The following SMG6 variants were observed in gnomAD, a reference collection of about 807,000 sequenced individuals.
The protein encoded by SMG6 is SMG6 nonsense mediated mRNA decay factor, also known as telomerase-binding protein EST1A.
SMG6 carries 66 observed loss-of-function variants against 142.2 expected under a neutral mutation model. The observed-to-expected ratio is 0.46, with a 90% CI of 0.38 to 0.57. SMG6 has a LOEUF of 0.57. Among genes scored for constraint, SMG6 ranks in the 20% least tolerant of loss-of-function variants. The pLI is 0.00. For synonymous variants in SMG6, 779 were observed against 702.4 expected (o/e 1.11, Z -1.72); for missense variants, 1,793 against 1,832.0 (o/e 0.98, Z 0.39).
intron 13 of SMG6, among the ~76,000 whole-genome samples, chr17:2,132,902 T>A (rs2070170116): frequency 1.3e-5 from 2 of 152,146 alleles, no homozygotes; most frequent in South Asian, 4.1e-4. Context: ...CCTGCCTCAC[T>A]CCCCAGGAAG....
At chr17:2,270,336 G>A (rs1323684141) in intron 8 of SMG6, among the ~76,000 whole-genome samples, 3 of 152,196 alleles carry the variant, frequency 2.0e-5, no homozygotes, top group African/African-American at 4.8e-5. Context: ...GAGTCCAGGT[G>A]TAGTGGTTTA....
In SMG6 at chr17:2,300,102, T is replaced by C. The variant is rs2075244691; in HGVS notation, c.651A>G (p.Gly217=). Residue 217 remains glycine (G), a synonymous_variant, in exon 2 of 19, where the codon GGA becomes GGG. Coordinates refer to ENST00000263073, the MANE Select transcript of SMG6 (RefSeq NM_017575.5). The part of the protein sequence containing the change: ...GRVGAAKGEK[G]KRMGKGEGVR... ...CCCCCTCCCCTTTTCCCATCCTCTT[T>C]CCTTTTTCTCCTTTTGCAGCCCCTA... The C allele has an allele frequency of 6.2e-7, 1 of 1,614,158 alleles. No individual in the cohort carries two copies.
intron 13 of SMG6, among the ~76,000 whole-genome samples, chr17:2,161,852 C>T (rs1420153704): frequency 6.6e-6 from 1 of 152,174 alleles, no homozygotes; most frequent in Admixed American, 6.5e-5. Context: ...TCAGTCTGAG[C>T]ATTCTATTCC....
chr17:2,231,035 G>A (rs2073476996), intron 10 of SMG6, among the ~76,000 whole-genome samples: 1 of 152,100 alleles, frequency 6.6e-6, no homozygotes, highest in Non-Finnish European at 1.5e-5. Flanking sequence ...GCTAACTCAA[G>A]CCTAACCCCT....
Position 2,079,647 on chromosome 17 carries a change from C to G in SMG6, c.3681+2163G>C, listed in dbSNP as rs553472249. Among the ~76,000 whole-genome samples, 10 of 151,892 alleles carry G rather than the reference C, an allele frequency of 6.6e-5. No homozygotes were observed. The East Asian group carries it at 1.4e-3, about 21-fold the overall frequency. On this transcript the variant is annotated intron_variant, in intron 15 of 18. Transcript: ENST00000263073. The stretch of plus-strand genomic sequence containing the variant: ...AAGTAAAAGAAGCATGAGGATAAAG[C>G]TGTTTTGAGGATCATGCACAAGTTT...
chr17:2,281,970 C>A (rs2074797210), intron 8 of SMG6, among the ~76,000 whole-genome samples: 2 of 152,210 alleles, frequency 1.3e-5, no homozygotes, highest in Non-Finnish European at 2.9e-5. Flanking sequence ...CTGCTTTGGT[C>A]CCATGGCTAT....
At chr17:2,303,477 G>T in intron 1 of SMG6, 156 bp downstream of exon 1, 1 of 1,327,346 alleles carries the variant, frequency 7.5e-7, no homozygotes, top group Non-Finnish European at 9.6e-7. Flanking sequence ...CCGCGAGAGA[G>T]GTAGGGCAGC....
chr17:2,258,513 C>T (rs2074242516), intron 8 of SMG6, among the ~76,000 whole-genome samples: 2 of 148,298 alleles, frequency 1.3e-5, no homozygotes, highest in South Asian at 4.2e-4. Flanking sequence ...GCCAAGACTG[C>T]ACCACTGCAC....
At chr17:2,092,454 G>T (rs180713998) in intron 13 of SMG6, among the ~76,000 whole-genome samples, 1 of 152,196 alleles carries the variant, frequency 6.6e-6, no homozygotes, top group Non-Finnish European at 1.5e-5. Flanking sequence ...AGCCAGCATT[G>T]CACAGATGCC....
chr17:2,234,375 C>T (rs1303916479), intron 10 of SMG6, among the ~76,000 whole-genome samples: 2 of 151,258 alleles, frequency 1.3e-5, no homozygotes, highest in African/African-American at 4.9e-5. Flanking sequence ...AATTCTCCTG[C>T]CTCAGCCTCC....
In SMG6 at chr17:2,277,132, C is replaced by CATTT. The variant is rs3054906; in HGVS notation, c.2661+5511_2661+5514dup. On this transcript the variant is annotated intron_variant, in intron 8 of 18. Coordinates refer to ENST00000263073, the MANE Select transcript of SMG6 (RefSeq NM_017575.5). ...TGCTATGTTTAATGTAGTATTTACA[C>CATTT]ATTTATTTATTTATTTATTTATTTA... Among the ~76,000 whole-genome samples, 205 of 133,876 alleles carry CATTT rather than the reference C, an allele frequency of 1.5e-3. 2 individuals carry two copies. The highest frequency in any genetic ancestry group is 2.8e-3 in the South Asian group (12 of 4,284). 87.8% of individuals were successfully genotyped at this position (133,876 alleles called of 152,430 possible).
rs1178295829 is a variant in SMG6, at chr17:2,149,349, CA to C, written c.3357+23308del. 9.7e-3 allele frequency among the ~76,000 whole-genome samples: 687 copies of C among 71,084 alleles called. 1 individual carries two copies. Among genetic ancestry groups the C allele is most frequent in the Non-Finnish European group, 0.014 (536 of 37,040 alleles). 46.6% of individuals were successfully genotyped at this position (71,084 alleles called of 152,430 possible). Reference sequence around the variant, plus strand: ...TGGGTGACAGAGCGAGATTCCCCCTCAAAAAAAAAAAAAAAAAAAAAAAAAG... The same window carrying C: ...TGGGTGACAGAGCGAGATTCCCCCTCAAAAAAAAAAAAAAAAAAAAAAAAG... On this transcript the variant is annotated intron_variant, in intron 13 of 18. Transcript: ENST00000263073.
chr17:2,111,155 C>T lies in SMG6; in HGVS notation c.3358-25254G>A, dbSNP rs550534946. Among the ~76,000 whole-genome samples the T allele has an allele frequency of 3.9e-5, 6 of 152,190 alleles. No individual in the cohort carries two copies. The South Asian group carries it at 1.2e-3, about 32-fold the overall frequency. On this transcript the variant is annotated intron_variant, in intron 13 of 18. Coordinates refer to ENST00000263073, the MANE Select transcript of SMG6 (RefSeq NM_017575.5). ...GTGTGGCAGGCCCTATTCAAACCAC[C>T]AGGAATACAGCAGTGAATAAAACAA... is the stretch of plus-strand genomic sequence containing the variant.
At position 2,060,204 on chromosome 17, in the gene SMG6, C is replaced by T. The variant is rs2067732922; in HGVS notation, c.*1288G>A. 1.3e-5 allele frequency: 2 copies of T among 152,342 alleles called. No individual in the cohort carries two copies. Among genetic ancestry groups the T allele is most frequent in the Non-Finnish European group, 1.5e-5 (1 of 68,138 alleles). The allele number at this position is 152,342 out of a possible 1,614,324, so 9.4% of individuals were successfully genotyped here. Reference sequence around the variant, plus strand: ...CATTAAGATTTGCCCCTGGCTCCACCGAAAACCCCGTCTTCCCCTAAGTTG... The same window carrying T: ...CATTAAGATTTGCCCCTGGCTCCACTGAAAACCCCGTCTTCCCCTAAGTTG... On this transcript the variant is annotated 3_prime_UTR_variant, in exon 19 of 19. Transcript: ENST00000263073.
chr17:2,236,055 A>T (rs1161148043), intron 10 of SMG6: 1 of 152,444 alleles, frequency 6.6e-6, no homozygotes, highest in Admixed American at 6.5e-5. Flanking sequence ...TCCCATAGGG[A>T]ACTAGACTTT....
intron 8 of SMG6, among the ~76,000 whole-genome samples, chr17:2,257,790 G>T (rs2074217807): frequency 6.6e-6 from 1 of 151,240 alleles, no homozygotes; most frequent in Non-Finnish European, 1.5e-5. Context: ...GGGCTGGGCG[G>T]ATCACGAGAT....
At chr17:2,169,616 G>A (rs1208868569) in intron 13 of SMG6, among the ~76,000 whole-genome samples, 2 of 152,168 alleles carry the variant, frequency 1.3e-5, no homozygotes, top group Non-Finnish European at 2.9e-5. Flanking sequence ...ATGAGCGCTT[G>A]GTTTGTTTGA....
rs539931277 is a variant in SMG6 at position 2,283,414 on chromosome 17, G to A, written c.2448+211C>T. Among the ~76,000 whole-genome samples, 12 of 152,182 alleles carry A rather than the reference G, an allele frequency of 7.9e-5. No individual in the cohort carries two copies. In the East Asian group the frequency reaches 2.3e-3, roughly 29 times the overall value. ...AAGATCACAGTTTTGTTCTGCACAG[G>A]GGCTGACCAACTACCCACCAGCACA... On this transcript the variant is annotated intron_variant, in intron 7 of 18. Coordinates refer to ENST00000263073, the MANE Select transcript of SMG6 (RefSeq NM_017575.5).
intron 8 of SMG6, 81 bp from the exon 9 acceptor site, chr17:2,244,800 A>T: frequency 8.3e-7 from 1 of 1,207,026 alleles, no homozygotes; most frequent in Non-Finnish European, 1.2e-6. Context: ...CAGTGACACA[A>T]TAACCTGGCC....
Sources: allele counts gnomAD v4.1 joint callset (sites outside exome capture counted in the v4.1 genomes callset), GRCh38; gene constraint gnomAD v4.1.1; transcripts MANE v1.5; gene names NCBI Gene and HGNC (gene_info 2026-07-23, HGNC 2026-07-21).